Variants in PTK2 observed in about 807,000 individuals in gnomAD.
PTK2 encodes the protein focal adhesion kinase 1.
A neutral mutation model predicts 150.1 loss-of-function variants in PTK2; 45 were observed. The ratio of observed to expected loss-of-function variants is 0.30; its 90% confidence interval spans 0.24 to 0.38. The LOEUF (loss-of-function observed/expected upper bound fraction) is 0.38, where lower values mean the gene tolerates loss of function less well. PTK2 is among the 10% of genes least tolerant of loss of function. The pLI, the probability that PTK2 is intolerant of heterozygous loss-of-function variation, is 1.00. For synonymous variants in PTK2, 432 were observed against 449.2 expected, an observed-to-expected ratio of 0.96 and a Z score of 0.48; for missense variants, 919 against 1,307.3, an observed-to-expected ratio of 0.70 and a Z score of 4.58.
At chr8:140,710,329 C>CA (rs71308985) in intron 23 of PTK2, among the ~76,000 whole-genome samples, 118 of 111,552 alleles carry the variant, frequency 1.1e-3, no homozygotes, top group South Asian at 8.9e-3. Context: ...GACCTTGTCT[C>CA]AAAAAAAAAA....
At chr8:140,915,653 T>C (rs149409728) in intron 2 of PTK2, among the ~76,000 whole-genome samples, 3,676 of 152,014 alleles carry the variant, frequency 0.024, 159 homozygotes, top group African/African-American at 0.085. Flanking sequence ...TCCCAGCACT[T>C]TGGGAGGCCA....
At chr8:140,894,969 T>C (rs917872502) in intron 2 of PTK2, among the ~76,000 whole-genome samples, 2 of 152,232 alleles carry the variant, frequency 1.3e-5, no homozygotes, top group African/African-American at 4.8e-5. Flanking sequence ...AGAAATATTT[T>C]CTGAAGTTGC....
At chr8:140,876,234 T>A (rs1013268309) in intron 4 of PTK2, among the ~76,000 whole-genome samples, 4 of 152,164 alleles carry the variant, frequency 2.6e-5, no homozygotes, top group African/African-American at 9.7e-5. Context: ...CAGAGATGAT[T>A]TTCGTTTTTC....
chr8:140,982,313 C>T (rs576171794), intron 1 of PTK2, among the ~76,000 whole-genome samples: 2 of 152,274 alleles, frequency 1.3e-5, no homozygotes, highest in African/African-American at 2.4e-5. Context: ...AAGATAGATA[C>T]GGGGGCTGGG....
intron 3 of PTK2, among the ~76,000 whole-genome samples, chr8:140,888,600 T>C (rs554881810): frequency 2.6e-5 from 4 of 152,344 alleles, no homozygotes; most frequent in Middle Eastern, 3.4e-3. Flanking sequence ...CTTCACAATA[T>C]GAATGTATGA....
At chr8:140,818,212 C>T in intron 10 of PTK2, 65 bp downstream of exon 10, 2 of 1,388,804 alleles carry the variant, frequency 1.4e-6, no homozygotes, top group Non-Finnish European at 2.0e-6. Flanking sequence ...AAAGAATGCC[C>T]CATTTCCTTA....
At chr8:140,977,405 C>T (rs546173709) in intron 1 of PTK2, among the ~76,000 whole-genome samples, 1 of 152,160 alleles carries the variant, frequency 6.6e-6, no homozygotes, top group East Asian at 1.9e-4. Flanking sequence ...GGGCAGATCA[C>T]GAGGTCAGGA....
intron 22 of PTK2, chr8:140,734,548 A>G (rs1337946646): frequency 1.5e-5 from 5 of 339,612 alleles, no homozygotes; most frequent in South Asian, 1.2e-4. Flanking sequence ...GCAACAGGGT[A>G]GAGTATGCAC....
chr8:140,845,211 T>C (rs2154604188), intron 7 of PTK2, among the ~76,000 whole-genome samples: 1 of 152,230 alleles, frequency 6.6e-6, no homozygotes, highest in Admixed American at 6.5e-5. Context: ...CATATAATTG[T>C]CCTGCTTGAA....
intron 26 of PTK2, among the ~76,000 whole-genome samples, chr8:140,694,757 T>C (rs994820906): frequency 6.6e-6 from 1 of 152,120 alleles, no homozygotes. Flanking sequence ...ATACACAGCA[T>C]AAAAAGGACC....
chr8:140,740,386 A>G (rs1221859515), intron 20 of PTK2, among the ~76,000 whole-genome samples: 1 of 152,204 alleles, frequency 6.6e-6, no homozygotes, highest in Non-Finnish European at 1.5e-5. Flanking sequence ...GCACAGGAAC[A>G]GCACCCTGAT....
intron 25 of PTK2, among the ~76,000 whole-genome samples, chr8:140,702,222 CTTT>C (rs57156667): frequency 1.6e-5 from 2 of 123,746 alleles, no homozygotes; most frequent in African/African-American, 3.0e-5. Context: ...TATTTATTAC[CTTT>C]TTTTTTTTTT....
At chr8:140,990,067 G>T (rs927883882) in intron 1 of PTK2, among the ~76,000 whole-genome samples, 10 of 152,086 alleles carry the variant, frequency 6.6e-5, no homozygotes, top group African/African-American at 2.4e-4. Context: ...AGAGAAAATG[G>T]TCAATGATTG....
chr8:140,697,416 TTGTGTGTGTGTGTGTGTGTG>T (rs34459077), intron 26 of PTK2, among the ~76,000 whole-genome samples: 2 of 145,710 alleles, frequency 1.4e-5, no homozygotes, highest in African/African-American at 5.1e-5. Context: ...AGAATACGGT[TTGTGTGTGTGTGTGTGTGTG>T]TGTGTGTGTG....
intron 14 of PTK2, among the ~76,000 whole-genome samples, chr8:140,765,928 C>T (rs562953818): frequency 2.0e-5 from 3 of 152,296 alleles, no homozygotes; most frequent in African/African-American, 7.2e-5. Context: ...TAGTTTAACA[C>T]GCTCAACTTT....
intron 3 of PTK2, among the ~76,000 whole-genome samples, chr8:140,885,662 C>T (rs1196837763): frequency 6.6e-6 from 1 of 152,034 alleles, no homozygotes; most frequent in East Asian, 1.9e-4. Flanking sequence ...TCCTTGTAGG[C>T]CACAAAAGGA....
At chr8:140,825,759 C>T (rs1464274513) in intron 8 of PTK2, among the ~76,000 whole-genome samples, 1 of 152,168 alleles carries the variant, frequency 6.6e-6, no homozygotes, top group Non-Finnish European at 1.5e-5. Context: ...CCTCAGCCTC[C>T]TCCAGCTGTT....
intron 29 of PTK2, among the ~76,000 whole-genome samples, chr8:140,671,413 G>T (rs2095385589): frequency 1.3e-5 from 2 of 152,002 alleles, no homozygotes; most frequent in Admixed American, 1.3e-4. Context: ...GTAGAGACAG[G>T]GTTTTGCCAT....
chr8:140,779,934 A>C (rs2100080723), intron 14 of PTK2, among the ~76,000 whole-genome samples: 1 of 152,176 alleles, frequency 6.6e-6, no homozygotes. Context: ...GTAATCATCC[A>C]ACCTGGGGTG....
Sources: gnomAD v4.1 joint callset for allele counts (sites outside exome capture counted in the v4.1 genomes callset) on GRCh38, gnomAD v4.1.1 for gene constraint, MANE v1.5 for transcripts, NCBI Gene and HGNC (gene_info 2026-07-23, HGNC 2026-07-21) for gene names.